CHRNA5: variants seen among roughly 807,000 people sequenced by gnomAD.
CHRNA5 encodes the protein neuronal acetylcholine receptor subunit alpha-5.
Under a neutral mutation model 41.2 loss-of-function variants are expected in CHRNA5, and 28 were observed. The ratio of observed to expected loss-of-function variants is 0.68; its 90% CI spans 0.50 to 0.93. CHRNA5 has a LOEUF of 0.93. CHRNA5 is among the 40% of genes least tolerant of loss of function. CHRNA5 has a pLI of 0.00. For synonymous variants in CHRNA5, 188 were observed against 205.8 expected (o/e 0.91, Z 0.74); for missense variants, 481 against 581.9 (o/e 0.83, Z 1.78).
chr15:78,583,694 C>CAA (rs397946301), intron 2 of CHRNA5, among the ~76,000 whole-genome samples: 7 of 82,342 alleles, frequency 8.5e-5, no homozygotes, highest in African/African-American at 2.7e-4. Flanking sequence ...GACTCTGTCT[C>CAA]AAAAAAAAAA....
intron 1 of CHRNA5, among the ~76,000 whole-genome samples, chr15:78,573,722 C>T (rs2052828134): frequency 7.2e-5 from 11 of 151,990 alleles, no homozygotes; most frequent in Admixed American, 7.2e-4. Context: ...CAAATCATTA[C>T]CTTTTGATAA....
At chr15:78,593,384 TTTATG>T (rs1209682829) in exon 6 of CHRNA5, 4 of 843,422 alleles carry the variant, frequency 4.7e-6, no homozygotes, top group African/African-American at 3.5e-5. Flanking sequence ...CTAACCTCAA[TTTATG>T]TTAACAGATG....
chr15:78,580,700 G>C, intron 1 of CHRNA5, 111 bp from the exon 2 acceptor site: 1 of 797,024 alleles, frequency 1.3e-6, no homozygotes, highest in Non-Finnish European at 2.0e-6. Context: ...GCAGTGGCCC[G>C]ATCTTGGCTC....
chr15:78,587,247 C>T (rs1310254545), intron 3 of CHRNA5, among the ~76,000 whole-genome samples: 1 of 152,118 alleles, frequency 6.6e-6, no homozygotes, highest in Non-Finnish European at 1.5e-5. Flanking sequence ...GAAAAATAAA[C>T]AAGTTGTATA....
intron 1 of CHRNA5, among the ~76,000 whole-genome samples, chr15:78,580,141 G>T (rs1004402000): frequency 6.6e-6 from 1 of 151,638 alleles, no homozygotes; most frequent in Non-Finnish European, 1.5e-5. Flanking sequence ...TTAGCCAGGC[G>T]TGGTGGTGGA....
At chr15:78,590,250 T>A in exon 5 of CHRNA5, 5 of 1,614,058 alleles carry the variant, frequency 3.1e-6, no homozygotes, top group Non-Finnish European at 4.2e-6. Context: ...TCTCTGCACT[T>A]CAGTACTTGT....
At chr15:78,565,624 C>T in exon 1 of CHRNA5, 1 of 300,790 alleles carries the variant, frequency 3.3e-6, no homozygotes. Flanking sequence ...CGTTTTGTCT[C>T]ACGACTCACA....
rs746886634 is a variant in CHRNA5 at position 78,593,203 on chromosome 15, A to T, written c.1357A>T (p.Lys453Ter). Reference sequence around the variant, plus strand: ...TGGGCTTTTTGTTCCTGTTATTTATAAATGGGCAAATATATTAATACCAGT... The same window carrying T: ...TGGGCTTTTTGTTCCTGTTATTTATTAATGGGCAAATATATTAATACCAGT... Residue 453 changes from lysine (K) to a stop codon, truncating the protein, a stop_gained, in exon 6 of 6, where the codon AAA becomes TAA. Coordinates refer to ENST00000299565, the Ensembl canonical transcript of CHRNA5. LOFTEE classifies it high-confidence loss of function. 13 of 1,613,648 alleles carry T rather than the reference A, an allele frequency of 8.1e-6. No individual in the cohort carries two copies. The highest frequency in any genetic ancestry group is 9.3e-6 in the Non-Finnish European group (11 of 1,179,896).
exon 6 of CHRNA5, chr15:78,593,997 C>T (rs1255111671): frequency 6.6e-6 from 1 of 152,226 alleles, no homozygotes; most frequent in Non-Finnish European, 1.5e-5. Context: ...TGAGATCACG[C>T]CATTGCACTC....
intron 1 of CHRNA5, among the ~76,000 whole-genome samples, chr15:78,576,972 T>C (rs917759907): frequency 4.6e-5 from 7 of 152,214 alleles, no homozygotes; most frequent in Non-Finnish European, 1.0e-4. Flanking sequence ...ACCTTACATA[T>C]AGTGTCAGTC....
chr15:78,567,982 G>C (rs945603480), intron 1 of CHRNA5, among the ~76,000 whole-genome samples: 24 of 152,206 alleles, frequency 1.6e-4, no homozygotes, highest in African/African-American at 5.8e-4. Flanking sequence ...TTCCTTGGAC[G>C]TATTACTTGA....
At position 78,583,030 on chromosome 15, in the gene CHRNA5, T is replaced by A. The variant is rs532603728; in HGVS notation, c.258+2068T>A. 1.8e-3 allele frequency among the ~76,000 whole-genome samples: 257 copies of A among 143,700 alleles called. 1 individual carries two copies. Among genetic ancestry groups the A allele is most frequent in the African/African-American group, 4.5e-3 (183 of 40,442 alleles). The allele number at this position is 143,700 out of a possible 152,430, so 94.3% of individuals were successfully genotyped here. On this transcript the variant is annotated intron_variant, in intron 2 of 5. Transcript: ENST00000299565. Reference sequence around the variant, plus strand: ...AAGACAGCCTCTCCTGTGTTCAAAATTTTTTTTTTTTTGCACTTTAATATG... The same window carrying A: ...AAGACAGCCTCTCCTGTGTTCAAAAATTTTTTTTTTTTGCACTTTAATATG...
At chr15:78,577,206 G>A (rs1470277303) in intron 1 of CHRNA5, among the ~76,000 whole-genome samples, 3 of 152,150 alleles carry the variant, frequency 2.0e-5, no homozygotes, top group Admixed American at 6.5e-5. Context: ...AGAGCCCTGC[G>A]GTTTATGAAC....
At chr15:78,582,396 A>G (rs2052920581) in intron 2 of CHRNA5, among the ~76,000 whole-genome samples, 1 of 151,920 alleles carries the variant, frequency 6.6e-6, no homozygotes, top group African/African-American at 2.4e-5. Context: ...AGACAGGAGA[A>G]TCGTTTGAAC....
chr15:78,573,916 C>T (rs1035380403), intron 1 of CHRNA5, among the ~76,000 whole-genome samples: 26 of 150,896 alleles, frequency 1.7e-4, no homozygotes, highest in African/African-American at 5.8e-4. Flanking sequence ...TCTGCCTCAG[C>T]CTCCTGAGTA....
intron 1 of CHRNA5, among the ~76,000 whole-genome samples, chr15:78,575,906 A>G (rs940966708): frequency 1.3e-5 from 2 of 152,242 alleles, no homozygotes; most frequent in Non-Finnish European, 1.5e-5. Context: ...GGTGTTGAGC[A>G]TCTTTTCATA....
At chr15:78,582,708 A>G (rs1054105279) in intron 2 of CHRNA5, among the ~76,000 whole-genome samples, 8 of 152,176 alleles carry the variant, frequency 5.3e-5, no homozygotes, top group Non-Finnish European at 1.2e-4. Flanking sequence ...TAGGGTTTCA[A>G]CGTGGCAGAG....
intron 2 of CHRNA5, among the ~76,000 whole-genome samples, chr15:78,582,509 AAAGT>A (rs1490499848): frequency 1.3e-5 from 2 of 151,792 alleles, no homozygotes; most frequent in Admixed American, 1.3e-4. Context: ...AAGAAAAGAA[AAAGT>A]AAGGTGGGTG....
Position 78,589,970 on chromosome 15 carries a change from T to A in CHRNA5, c.579T>A (p.Tyr193Ter). 6.2e-7 allele frequency: 1 copy of A among 1,614,202 alleles called. No individual in the cohort carries two copies. Among genetic ancestry groups the A allele is most frequent in the Middle Eastern group, 1.6e-4 (1 of 6,062 alleles). Reference sequence around the variant, plus strand: ...CCATGAAATTTGGTTCTTGGACTTATGATGGATCACAGGTTGATATAATTC... The same window carrying A: ...CCATGAAATTTGGTTCTTGGACTTAAGATGGATCACAGGTTGATATAATTC... Residue 193 changes from tyrosine (Y) to a stop codon, truncating the protein, a stop_gained, in exon 5 of 6, where the codon TAT becomes TAA. Coordinates refer to ENST00000299565, the Ensembl canonical transcript of CHRNA5. LOFTEE classifies it high-confidence loss of function.
Sources: gnomAD v4.1 joint callset for allele counts (sites outside exome capture counted in the v4.1 genomes callset) on GRCh38, gnomAD v4.1.1 for gene constraint, MANE v1.5 for transcripts, NCBI Gene and HGNC (gene_info 2026-07-23, HGNC 2026-07-21) for gene names.